DYM: variants seen among roughly 807,000 people sequenced by gnomAD.
DYM encodes dyggve-Melchior-Clausen syndrome protein.
DYM carries 78 observed loss-of-function variants against 93.1 expected under a neutral mutation model. The ratio of observed to expected loss-of-function variants is 0.84; its 90% CI spans 0.70 to 1.01. The LOEUF (loss-of-function observed/expected upper bound fraction) is 1.01, where lower values mean the gene tolerates loss of function less well. Among genes scored for constraint, DYM ranks in the 50% least tolerant of loss-of-function variants. The pLI is 0.00. For synonymous variants in DYM, 321 were observed against 319.7 expected (o/e 1.00, Z -0.04); for missense variants, 789 against 845.0 (o/e 0.93, Z 0.82).
intron 13 of DYM, among the ~76,000 whole-genome samples, chr18:49,220,485 C>T (rs1215361226): frequency 2.2e-4 from 33 of 150,774 alleles, no homozygotes; most frequent in African/African-American, 5.6e-4. Context: ...GGAGGCATCA[C>T]GCTACCTGAC....
In DYM at chr18:49,042,019, T is replaced by G. The variant is rs2070961355; in HGVS notation, c.*2036A>C. 6.6e-6 allele frequency: 1 copy of G among 152,264 alleles called. No individual in the cohort carries two copies. The highest frequency in any genetic ancestry group is 1.5e-5 in the Non-Finnish European group (1 of 68,046). The allele number at this position is 152,264 out of a possible 1,614,324, so 9.4% of individuals were successfully genotyped here. On this transcript the variant is annotated 3_prime_UTR_variant, in exon 18 of 18. Transcript: ENST00000675505. ...AGGAAAAGGAAGCCAATCAAAATGC[T>G]TTGGAAACAAATTAAAGTTGCAAAT...
intron 3 of DYM, among the ~76,000 whole-genome samples, chr18:49,388,192 T>C (rs1452972925): frequency 6.6e-6 from 1 of 151,958 alleles, no homozygotes; most frequent in Non-Finnish European, 1.5e-5. Context: ...TATCCAGGCA[T>C]GGTGACATAT....
rs149641654 is a variant in DYM, at chr18:49,172,973, T to C, written c.1626-9186A>G. Among the ~76,000 whole-genome samples the C allele has an allele frequency of 2.3e-3, 353 of 151,994 alleles. 1 individual carries two copies. The highest frequency in any genetic ancestry group is 3.5e-3 in the Non-Finnish European group (237 of 67,892). The stretch of plus-strand genomic sequence containing the variant: ...GATCCATTTTGCATTAATATGTGTA[T>C]ATGGCATGAAGAGTCACAATTTATT... On this transcript the variant is annotated intron_variant, in intron 14 of 17. Transcript: ENST00000675505.
chr18:49,419,549 A>G (rs1172639612), intron 2 of DYM, among the ~76,000 whole-genome samples: 1 of 152,216 alleles, frequency 6.6e-6, no homozygotes, highest in Non-Finnish European at 1.5e-5. Context: ...CCAGCTCCAC[A>G]TAAATCAAGT....
At chr18:49,170,325 C>T (rs1403086432) in intron 14 of DYM, among the ~76,000 whole-genome samples, 3 of 152,114 alleles carry the variant, frequency 2.0e-5, no homozygotes, top group African/African-American at 7.2e-5. Context: ...CCTACAGGTG[C>T]TCAGGAACAA....
intron 3 of DYM, among the ~76,000 whole-genome samples, chr18:49,387,639 T>G (rs1054078761): frequency 1.3e-5 from 2 of 152,224 alleles, no homozygotes; most frequent in African/African-American, 4.8e-5. Context: ...TCTCAGATGA[T>G]GTGTTAGCAT....
chr18:49,182,543 T>C lies in DYM; in HGVS notation c.1626-18756A>G, dbSNP rs966656523. On this transcript the variant is annotated intron_variant, in intron 14 of 17. Transcript: ENST00000675505. ...TGTTATGAAATAATTTTCTTTATTCTGGTGATGTTTCCTCTCTGAAGTCAC... is the reference window on the plus strand; with the variant it reads ...TGTTATGAAATAATTTTCTTTATTCCGGTGATGTTTCCTCTCTGAAGTCAC... 2.0e-5 allele frequency among the ~76,000 whole-genome samples: 3 copies of C among 152,352 alleles called. No homozygotes were observed. The South Asian group carries it at 6.2e-4, about 32-fold the overall frequency.
intron 10 of DYM, among the ~76,000 whole-genome samples, chr18:49,280,633 GT>G (rs1372321096): frequency 6.6e-6 from 1 of 152,200 alleles, no homozygotes; most frequent in African/African-American, 2.4e-5. Flanking sequence ...ACGCTGCGGT[GT>G]CCTGCTCTGG....
At chr18:49,419,247 C>G (rs1444061990) in intron 2 of DYM, among the ~76,000 whole-genome samples, 1 of 152,080 alleles carries the variant, frequency 6.6e-6, no homozygotes, top group East Asian at 1.9e-4. Context: ...GTAATCCCAG[C>G]TACTCGGAAG....
chr18:49,162,720 A>G (rs2087317247), intron 15 of DYM, among the ~76,000 whole-genome samples: 1 of 152,248 alleles, frequency 6.6e-6, no homozygotes, highest in African/African-American at 2.4e-5. Flanking sequence ...ATGTCTGGTA[A>G]GACTGGAGTC....
At chr18:49,404,189 G>A (rs1196525532) in intron 2 of DYM, among the ~76,000 whole-genome samples, 2 of 152,016 alleles carry the variant, frequency 1.3e-5, no homozygotes, top group African/African-American at 2.4e-5. Flanking sequence ...TGTACTTCTA[G>A]TAGAAATGGG....
At chr18:49,085,107 G>A (rs926971776) in intron 17 of DYM, among the ~76,000 whole-genome samples, 8 of 152,166 alleles carry the variant, frequency 5.3e-5, no homozygotes, top group African/African-American at 1.7e-4. Flanking sequence ...ATTAGTAGAT[G>A]AGACCTTGAC....
chr18:49,312,818 G>A (rs2061682062), intron 8 of DYM, among the ~76,000 whole-genome samples: 1 of 152,136 alleles, frequency 6.6e-6, no homozygotes, highest in Non-Finnish European at 1.5e-5. Flanking sequence ...GCATCAGTTG[G>A]GTTAGCTCTT....
At chr18:49,161,722 A>G (rs1409938059) in intron 15 of DYM, among the ~76,000 whole-genome samples, 2 of 152,242 alleles carry the variant, frequency 1.3e-5, no homozygotes, top group South Asian at 2.1e-4. Context: ...TAAGGGGATG[A>G]CAGATTGTGA....
At chr18:49,328,128 C>G (rs899250959) in intron 8 of DYM, among the ~76,000 whole-genome samples, 1 of 152,116 alleles carries the variant, frequency 6.6e-6, no homozygotes, top group African/African-American at 2.4e-5. Context: ...GATAGATGAG[C>G]CTATTATGAG....
chr18:49,097,189 T>G (rs990845453), intron 17 of DYM: 2 of 605,276 alleles, frequency 3.3e-6, no homozygotes, highest in Non-Finnish European at 5.9e-6. Flanking sequence ...TGAATTATAG[T>G]GCATGCCATG....
intron 14 of DYM, among the ~76,000 whole-genome samples, chr18:49,200,005 A>G (rs1303076060): frequency 3.9e-5 from 6 of 152,188 alleles, no homozygotes; most frequent in Non-Finnish European, 7.4e-5. Flanking sequence ...AAAAGAAGAA[A>G]AAAAGCAAAT....
At chr18:49,242,860 C>T (rs1255832131) in intron 13 of DYM, among the ~76,000 whole-genome samples, 3 of 152,206 alleles carry the variant, frequency 2.0e-5, no homozygotes, top group East Asian at 1.9e-4. Flanking sequence ...CCACCACGCC[C>T]GGCTAATTTT....
At chr18:49,381,713 A>C (rs1269507235) in intron 3 of DYM, among the ~76,000 whole-genome samples, 1 of 152,234 alleles carries the variant, frequency 6.6e-6, no homozygotes, top group Non-Finnish European at 1.5e-5. Flanking sequence ...CTGGCTGGAG[A>C]ATCCCACTGT....
Sources: gnomAD v4.1 joint callset for allele counts (sites outside exome capture counted in the v4.1 genomes callset) on GRCh38, gnomAD v4.1.1 for gene constraint, MANE v1.5 for transcripts, NCBI Gene and HGNC (gene_info 2026-07-23, HGNC 2026-07-21) for gene names.